RALYL: variants seen among roughly 807,000 people sequenced by gnomAD.
RALYL encodes RALY RNA binding protein like.
A neutral mutation model predicts 35.1 loss-of-function variants in RALYL; 29 were observed. The observed-to-expected ratio is 0.83, with a 90% CI of 0.61 to 1.13. RALYL has a LOEUF of 1.13. Ranked by LOEUF, RALYL falls within the 50% of genes most tolerant of loss-of-function variation. The pLI, the probability that RALYL is intolerant of heterozygous loss-of-function variation, is 0.00. For synonymous variants in RALYL, 120 were observed against 127.6 expected, an observed-to-expected ratio of 0.94 and a Z score of 0.40; for missense variants, 359 against 360.4, an observed-to-expected ratio of 1.00 and a Z score of 0.03.
chr8:84,469,600 G>C (rs1231160786), intron 1 of RALYL, among the ~76,000 whole-genome samples: 2 of 152,148 alleles, frequency 1.3e-5, no homozygotes, highest in Non-Finnish European at 2.9e-5. Context: ...CTTTTTGTTT[G>C]TGCCCTGCCC....
chr8:84,910,824 A>C (rs1039034244), intron 8 of RALYL, among the ~76,000 whole-genome samples: 1 of 151,758 alleles, frequency 6.6e-6, no homozygotes, highest in African/African-American at 2.4e-5. Context: ...AATTTAAATC[A>C]CCTGAAATTG....
chr8:84,650,309 T>C (rs984182094), intron 2 of RALYL, among the ~76,000 whole-genome samples: 7 of 151,932 alleles, frequency 4.6e-5, no homozygotes, highest in Non-Finnish European at 5.9e-5. Flanking sequence ...AGAAAATTTT[T>C]GCAACCTACT....
At chr8:84,464,637 G>A (rs369701154) in intron 1 of RALYL, among the ~76,000 whole-genome samples, 10 of 151,442 alleles carry the variant, frequency 6.6e-5, no homozygotes, top group African/African-American at 2.4e-4. Context: ...ATGATTTATA[G>A]TCCTTTGGGT....
chr8:84,347,974 C>A (rs1469143456), intron 1 of RALYL, among the ~76,000 whole-genome samples: 3 of 152,058 alleles, frequency 2.0e-5, no homozygotes, highest in Non-Finnish European at 4.4e-5. Flanking sequence ...ATGAAAAAAA[C>A]CCAGCTTGAT....
chr8:84,427,066 TA>T (rs2132580160), intron 1 of RALYL, among the ~76,000 whole-genome samples: 1 of 152,274 alleles, frequency 6.6e-6, no homozygotes, highest in South Asian at 2.1e-4. Context: ...AACAGATAAA[TA>T]AATTGGTACA....
At chr8:84,531,224 G>A (rs1162554886) in intron 2 of RALYL, among the ~76,000 whole-genome samples, 1 of 152,124 alleles carries the variant, frequency 6.6e-6, no homozygotes, top group East Asian at 1.9e-4. Flanking sequence ...AGCTAGGAGA[G>A]TGTTAAGAAT....
chr8:84,749,071 G>A (rs1809315635), intron 2 of RALYL, among the ~76,000 whole-genome samples: 1 of 151,954 alleles, frequency 6.6e-6, no homozygotes, highest in African/African-American at 2.4e-5. Flanking sequence ...CCTCTCTGTT[G>A]TCAAAAAATT....
chr8:84,821,497 T>A (rs182658412), intron 4 of RALYL, among the ~76,000 whole-genome samples: 2 of 152,210 alleles, frequency 1.3e-5, no homozygotes, highest in African/African-American at 4.8e-5. Flanking sequence ...AAAATAATCA[T>A]GTATGTAAAA....
At chr8:84,820,155 C>A (rs1280235697) in intron 4 of RALYL, among the ~76,000 whole-genome samples, 1 of 152,130 alleles carries the variant, frequency 6.6e-6, no homozygotes, top group Admixed American at 6.6e-5. Flanking sequence ...AAAATTGTAA[C>A]TTAAATATTC....
At chr8:84,282,828 T>C (rs1334852817) in intron 1 of RALYL, among the ~76,000 whole-genome samples, 4 of 151,852 alleles carry the variant, frequency 2.6e-5, no homozygotes, top group Non-Finnish European at 4.4e-5. Flanking sequence ...TATATATGTA[T>C]AGGTCACCCA....
At chr8:84,418,929 C>T (rs563834871) in intron 1 of RALYL, among the ~76,000 whole-genome samples, 1 of 152,190 alleles carries the variant, frequency 6.6e-6, no homozygotes, top group African/African-American at 2.4e-5. Flanking sequence ...AAGTAGGCCT[C>T]CCATGCATTG....
chr8:84,486,093 T>C (rs1011327701), intron 1 of RALYL, among the ~76,000 whole-genome samples: 6 of 151,018 alleles, frequency 4.0e-5, no homozygotes, highest in Non-Finnish European at 7.4e-5. Flanking sequence ...TCCCCAACTT[T>C]CTTTTTATAG....
intron 8 of RALYL, among the ~76,000 whole-genome samples, chr8:84,907,310 T>TTCA (rs1471530936): frequency 1.4e-5 from 2 of 148,040 alleles, no homozygotes; most frequent in Non-Finnish European, 1.5e-5. Context: ...AGATATAGCG[T>TTCA]CACACACACA....
intron 1 of RALYL, among the ~76,000 whole-genome samples, chr8:84,426,308 T>A (rs1411954002): frequency 6.6e-6 from 1 of 151,976 alleles, no homozygotes; most frequent in Non-Finnish European, 1.5e-5. Context: ...TCTACAGCCT[T>A]CATTTGTACA....
chr8:84,546,270 C>T (rs1414486923), intron 2 of RALYL, among the ~76,000 whole-genome samples: 2 of 152,044 alleles, frequency 1.3e-5, no homozygotes, highest in African/African-American at 2.4e-5. Context: ...CAGGCACATG[C>T]CACCATGCCC....
intron 1 of RALYL, among the ~76,000 whole-genome samples, chr8:84,407,254 C>T (rs904017205): frequency 2.6e-5 from 4 of 152,142 alleles, no homozygotes; most frequent in Non-Finnish European, 5.9e-5. Flanking sequence ...ATGATAAGTA[C>T]TCAATACTTG....
chr8:84,194,939 G>A (rs1814844386), intron 1 of RALYL, among the ~76,000 whole-genome samples: 1 of 151,996 alleles, frequency 6.6e-6, no homozygotes, highest in South Asian at 2.1e-4. Flanking sequence ...ACTGTATTTT[G>A]TTCAACAGAT....
chr8:84,764,586 C>A (rs1430122641), intron 2 of RALYL, among the ~76,000 whole-genome samples: 1 of 152,122 alleles, frequency 6.6e-6, no homozygotes, highest in African/African-American at 2.4e-5. Flanking sequence ...CCCTTGCAGA[C>A]ACAGCCTGGG....
chr8:84,378,990 G>A (rs2131575708), intron 1 of RALYL, among the ~76,000 whole-genome samples: 1 of 151,990 alleles, frequency 6.6e-6, no homozygotes, highest in East Asian at 2.0e-4. Flanking sequence ...GAACCTGCCT[G>A]TTCTCAGTCC....
Sources: allele counts gnomAD v4.1 joint callset (sites outside exome capture counted in the v4.1 genomes callset), GRCh38; gene constraint gnomAD v4.1.1; transcripts MANE v1.5; gene names NCBI Gene and HGNC (gene_info 2026-07-23, HGNC 2026-07-21).